The following NRXN3 variants were observed in gnomAD, a reference collection of about 807,000 sequenced individuals.
NRXN3 encodes the protein neurexin III.
A neutral mutation model predicts 137.6 loss-of-function variants in NRXN3; 32 were observed. The observed-to-expected ratio is 0.23, with a 90% CI of 0.18 to 0.31. The LOEUF (loss-of-function observed/expected upper bound fraction) is 0.31, where lower values mean the gene tolerates loss of function less well. Among genes scored for constraint, NRXN3 ranks in the 10% least tolerant of loss-of-function variants. The probability of loss-of-function intolerance (pLI) is 1.00; values close to 1 mark genes in which losing one functional copy is unlikely to be tolerated. For synonymous variants in NRXN3, 798 were observed against 784.5 expected (o/e 1.02, Z -0.29); for missense variants, 1,574 against 2,062.5 (o/e 0.76, Z 4.59).
chr14:79,573,691 G>A (rs992272172), intron 16 of NRXN3, among the ~76,000 whole-genome samples: 1 of 152,068 alleles, frequency 6.6e-6, no homozygotes, highest in Non-Finnish European at 1.5e-5. Flanking sequence ...CTCAGCTGCT[G>A]TTGTGGTTAC....
In NRXN3 at chr14:79,444,789, GCAGTCCAA is replaced by G. The variant is rs1365293757; in HGVS notation, c.3263-22430_3263-22423del. Among the ~76,000 whole-genome samples the G allele has an allele frequency of 1.1e-4, 16 of 152,202 alleles. No homozygotes were observed. In the East Asian group the frequency reaches 3.1e-3, roughly 29 times the overall value. ...ACTGCAGTGAGTTATGATCACCACT[GCAGTCCAA>G]CCTGGGTGACAGAGTCAGACCTTGT... On this transcript the variant is annotated intron_variant, in intron 15 of 20. Coordinates refer to ENST00000335750, the MANE Select transcript of NRXN3 (RefSeq NM_001330195.2).
chr14:79,157,943 G>GT (rs993197951), intron 15 of NRXN3, among the ~76,000 whole-genome samples: 12 of 151,704 alleles, frequency 7.9e-5, no homozygotes, highest in African/African-American at 1.9e-4. Context: ...TTTGCATATT[G>GT]TTTTTTTCTG....
intron 7 of NRXN3, among the ~76,000 whole-genome samples, chr14:78,713,531 G>C (rs2098418784): frequency 6.6e-6 from 1 of 152,142 alleles, no homozygotes; most frequent in Admixed American, 6.5e-5. Flanking sequence ...CATAGCAACT[G>C]CCCTTAGCTA....
rs370074201 is a variant in NRXN3, at chr14:79,548,681, T to C, written c.3444+81279T>C. Among the ~76,000 whole-genome samples the C allele has an allele frequency of 1.8e-3, 279 of 151,262 alleles. 3 individuals are homozygous for C. The highest frequency in any genetic ancestry group is 6.1e-3 in the African/African-American group (249 of 41,156). Reference sequence around the variant, plus strand: ...CGCAAATTTCTGTGTTCCTGAGGCCTCTCAAGGCATCAACATCTTGAATAG... The same window carrying C: ...CGCAAATTTCTGTGTTCCTGAGGCCCCTCAAGGCATCAACATCTTGAATAG... On this transcript the variant is annotated intron_variant, in intron 16 of 20. Transcript: ENST00000335750.
In NRXN3 at chr14:79,861,512, C is replaced by A; in HGVS notation, c.4264C>A (p.Pro1422Thr). The A allele has an allele frequency of 6.5e-7, 1 of 1,541,330 alleles. No homozygotes were observed. The highest frequency in any genetic ancestry group is 1.2e-5 in the South Asian group (1 of 84,222). ...AGCTTCCTCCTCGTCTGGGATGGTG[C>A]CCAAATTGCCAGCTGGCAAAATGAA... ...FTASSSSGMVPKLPAGKMNNR... is the reference protein window; with the variant it reads ...FTASSSSGMVTKLPAGKMNNR... Residue 1422 changes from proline to threonine, a missense_variant, in exon 21 of 21, where the codon CCC becomes ACC. Pro to Thr is a conservative substitution (Grantham distance 38, BLOSUM62 -1). Around this residue, in one of 5 missense-constraint regions of NRXN3, gnomAD observed 320 missense variants for 387.1 expected, o/e 0.83. Coordinates refer to ENST00000335750, the MANE Select transcript of NRXN3 (RefSeq NM_001330195.2). The surrounding 1 kb of genome is among the most constrained non-coding windows in gnomAD (Gnocchi z 5.4).
At chr14:79,362,389 C>A (rs145269813) in intron 15 of NRXN3, among the ~76,000 whole-genome samples, 329 of 149,926 alleles carry the variant, frequency 2.2e-3, no homozygotes, top group African/African-American at 7.5e-3. Flanking sequence ...GAGGGTCATT[C>A]ATCGTCCTCC....
intron 20 of NRXN3, among the ~76,000 whole-genome samples, chr14:79,819,907 G>A (rs572515970): frequency 2.6e-5 from 4 of 152,172 alleles, no homozygotes; most frequent in African/African-American, 9.6e-5. Context: ...ACATATTTGG[G>A]TAGGAGCTTA....
intron 2 of NRXN3, among the ~76,000 whole-genome samples, chr14:78,256,486 A>T (rs545122062): frequency 6.6e-6 from 1 of 152,336 alleles, no homozygotes; most frequent in Non-Finnish European, 1.5e-5. Flanking sequence ...CATGCCTTCA[A>T]TCCAAGGACT....
chr14:79,247,887 T>TA (rs945864010), intron 15 of NRXN3, among the ~76,000 whole-genome samples: 1 of 150,388 alleles, frequency 6.6e-6, no homozygotes, highest in Admixed American at 6.6e-5. Context: ...CTGGCCTTCA[T>TA]AAAAAAATTA....
intron 19 of NRXN3, among the ~76,000 whole-genome samples, chr14:79,768,488 G>T (rs537263102): frequency 5.9e-5 from 9 of 152,294 alleles, no homozygotes; most frequent in Non-Finnish European, 1.0e-4. Flanking sequence ...CAGCCTAACT[G>T]GGAGGCACCC....
chr14:79,096,110 C>CTTT (rs58994977), intron 15 of NRXN3, among the ~76,000 whole-genome samples: 2 of 144,652 alleles, frequency 1.4e-5, no homozygotes, highest in African/African-American at 5.0e-5. Flanking sequence ...TTATTCTATT[C>CTTT]TTTTTTTTTT....
chr14:79,049,522 T>G (rs2152565621), intron 15 of NRXN3, among the ~76,000 whole-genome samples: 1 of 152,318 alleles, frequency 6.6e-6, no homozygotes, highest in Admixed American at 6.5e-5. Flanking sequence ...TGACATCAAC[T>G]TCTTCCAAAC....
At chr14:79,077,362 A>T (rs560991128) in intron 15 of NRXN3, among the ~76,000 whole-genome samples, 1 of 152,262 alleles carries the variant, frequency 6.6e-6, no homozygotes, top group African/African-American at 2.4e-5. Flanking sequence ...TGTCCACACG[A>T]TGTTTGCCTT....
intron 16 of NRXN3, among the ~76,000 whole-genome samples, chr14:79,487,129 A>C (rs2096664816): frequency 6.6e-6 from 1 of 152,142 alleles, no homozygotes; most frequent in African/African-American, 2.4e-5. Flanking sequence ...CAGTTTCCTC[A>C]TCCGTTGAAA....
intron 10 of NRXN3, among the ~76,000 whole-genome samples, chr14:78,879,994 C>T (rs1480582487): frequency 7.1e-6 from 1 of 141,512 alleles, no homozygotes; most frequent in Non-Finnish European, 1.5e-5. Flanking sequence ...AATCCCAGCA[C>T]TTTGGGAGGC....
chr14:78,393,355 TG>T (rs1412760836), intron 4 of NRXN3, among the ~76,000 whole-genome samples: 1 of 152,140 alleles, frequency 6.6e-6, no homozygotes, highest in Admixed American at 6.6e-5. Context: ...TTATTGACGC[TG>T]ATATCATCAA....
intron 4 of NRXN3, among the ~76,000 whole-genome samples, chr14:78,367,581 T>G (rs1213508534): frequency 1.3e-5 from 2 of 152,204 alleles, no homozygotes; most frequent in Non-Finnish European, 2.9e-5. Flanking sequence ...GTATGTGCCA[T>G]TATCTCCTAA....
intron 2 of NRXN3, among the ~76,000 whole-genome samples, chr14:78,274,308 T>TA (rs773330690): frequency 6.6e-6 from 1 of 152,160 alleles, no homozygotes; most frequent in Non-Finnish European, 1.5e-5. Context: ...TTAGGAAACT[T>TA]ACAATCATGG....
At chr14:79,358,607 G>GACAGAGAAAGAAAGAA (rs10667477) in intron 15 of NRXN3, among the ~76,000 whole-genome samples, 1 of 79,984 alleles carries the variant, frequency 1.3e-5, no homozygotes, top group South Asian at 6.6e-4. Context: ...AAGAAAGAAA[G>GACAGAGAAAGAAAGAA]AGAAAGAAAG....
Sources: gnomAD v4.1 joint callset for allele counts (sites outside exome capture counted in the v4.1 genomes callset) on GRCh38, gnomAD v4.1.1 for gene constraint, gnomAD v4.1.1 regional missense constraint, Gnocchi (gnomAD v3.1) non-coding constraint, MANE v1.5 for transcripts, NCBI Gene and HGNC (gene_info 2026-07-23, HGNC 2026-07-21) for gene names.